The following OXCT1 variants were observed in gnomAD, a reference collection of about 807,000 sequenced individuals.
OXCT1 encodes the protein 3-oxoacid CoA-transferase 1.
In OXCT1, 27 loss-of-function variants were observed where a neutral mutation model predicts 69.6. The ratio of observed to expected loss-of-function variants is 0.39; its 90% CI spans 0.29 to 0.54. The LOEUF (loss-of-function observed/expected upper bound fraction) is 0.54, where lower values mean the gene tolerates loss of function less well. Among genes scored for constraint, OXCT1 ranks in the 20% least tolerant of loss-of-function variants. The probability of loss-of-function intolerance (pLI) is 0.72; values close to 1 mark genes in which losing one functional copy is unlikely to be tolerated. For missense variants in OXCT1, 437 were observed against 650.2 expected, an observed-to-expected ratio of 0.67 and a Z score of 3.57; for synonymous variants, 202 against 217.8, an observed-to-expected ratio of 0.93 and a Z score of 0.64.
At chr5:41,772,794 T>A (rs947740518) in intron 13 of OXCT1, among the ~76,000 whole-genome samples, 4 of 152,170 alleles carry the variant, frequency 2.6e-5, no homozygotes, top group African/African-American at 9.7e-5. Flanking sequence ...GTGCTTTTCA[T>A]ATGTGGAGGC....
intron 3 of OXCT1, among the ~76,000 whole-genome samples, chr5:41,860,920 C>A (rs1357453927): frequency 6.6e-6 from 1 of 151,852 alleles, no homozygotes; most frequent in Non-Finnish European, 1.5e-5. Context: ...AAACAGATTT[C>A]AAATTGATGC....
At chr5:41,798,864 T>C (rs1746297587) in intron 11 of OXCT1, among the ~76,000 whole-genome samples, 1 of 152,104 alleles carries the variant, frequency 6.6e-6, no homozygotes, top group Non-Finnish European at 1.5e-5. Flanking sequence ...TATAACTCAG[T>C]GTATAGAGAA....
chr5:41,847,587 C>G (rs1259254882), intron 5 of OXCT1, among the ~76,000 whole-genome samples: 5 of 151,532 alleles, frequency 3.3e-5, no homozygotes, highest in Non-Finnish European at 3.0e-5. Flanking sequence ...CCACCATGAT[C>G]AAGTGGGCTT....
At chr5:41,829,051 T>C (rs1208160599) in intron 7 of OXCT1, among the ~76,000 whole-genome samples, 1 of 152,098 alleles carries the variant, frequency 6.6e-6, no homozygotes, top group African/African-American at 2.4e-5. Flanking sequence ...TGAATCAGCC[T>C]CTCTTTAATA....
At chr5:41,841,810 C>A (rs1482478077) in intron 6 of OXCT1, among the ~76,000 whole-genome samples, 1 of 146,642 alleles carries the variant, frequency 6.8e-6, no homozygotes, top group Non-Finnish European at 1.5e-5. Flanking sequence ...CTTTAAAAAA[C>A]TGGCTAAATT....
rs1360810647 is a variant in OXCT1 at position 41,730,403 on chromosome 5, A to G, written c.*1326T>C. 1 of 152,222 alleles carries G rather than the reference A, an allele frequency of 6.6e-6. No individual in the cohort carries two copies. The highest frequency in any genetic ancestry group is 1.9e-4 in the East Asian group (1 of 5,194). 9.4% of individuals were successfully genotyped at this position (152,222 alleles called of 1,614,324 possible). A position where few individuals can be genotyped will look rare whatever the true frequency, so the allele number is the denominator to read the frequency against. On this transcript the variant is annotated 3_prime_UTR_variant, in exon 17 of 17. Transcript: ENST00000196371. ...TTTCTCTAATATTGTACATTACACA[A>G]TTGTAGCTACACCTGAAAAGAAGTG...
intron 11 of OXCT1, among the ~76,000 whole-genome samples, chr5:41,799,345 G>T (rs1348674360): frequency 1.3e-5 from 2 of 152,062 alleles, no homozygotes; most frequent in Admixed American, 6.5e-5. Flanking sequence ...ATCCCAAAAA[G>T]GACTTTGAAA....
intron 8 of OXCT1, among the ~76,000 whole-genome samples, chr5:41,807,095 C>G (rs1301572237): frequency 6.6e-6 from 1 of 152,042 alleles, no homozygotes; most frequent in Non-Finnish European, 1.5e-5. Flanking sequence ...GTAGACACAG[C>G]CTAGAGAATC....
At chr5:41,773,746 C>T (rs1015241719) in intron 13 of OXCT1, among the ~76,000 whole-genome samples, 1 of 152,082 alleles carries the variant, frequency 6.6e-6, no homozygotes, top group African/African-American at 2.4e-5. Flanking sequence ...TAACTCATTT[C>T]TTGATAGGCC....
rs1334372573 is a variant in OXCT1, at chr5:41,803,048, GA to G, written c.1050+20del. The G allele has an allele frequency of 6.5e-7, 1 of 1,542,788 alleles. No homozygotes were observed. Among genetic ancestry groups the G allele is most frequent in the African/African-American group, 1.4e-5 (1 of 73,350 alleles). On this transcript the variant is annotated intron_variant, in intron 10 of 16. Transcript: ENST00000196371. ...CATTCTTCATTAAGACTGGATTTTA[GA>G]AAACAAATTTTCATCTTACCAAACC...
chr5:41,800,711 G>T (rs928566066), intron 11 of OXCT1, among the ~76,000 whole-genome samples: 1 of 151,896 alleles, frequency 6.6e-6, no homozygotes. Flanking sequence ...TTTTAATCCT[G>T]TCCATGCCCT....
At chr5:41,866,871 G>T (rs950277325) in intron 1 of OXCT1, among the ~76,000 whole-genome samples, 11 of 152,210 alleles carry the variant, frequency 7.2e-5, no homozygotes, top group African/African-American at 2.7e-4. Context: ...ACCAAAGTTT[G>T]CCAGGTGTTA....
chr5:41,860,373 G>A (rs1044866984), intron 3 of OXCT1, among the ~76,000 whole-genome samples: 13 of 151,930 alleles, frequency 8.6e-5, no homozygotes, highest in African/African-American at 2.7e-4. Context: ...AGTCTCTAAA[G>A]GAACTCAAAA....
At chr5:41,768,899 T>C (rs1043321168) in intron 13 of OXCT1, among the ~76,000 whole-genome samples, 10 of 152,156 alleles carry the variant, frequency 6.6e-5, no homozygotes, top group Non-Finnish European at 8.8e-5. Flanking sequence ...TGTAATAACC[T>C]GGACCCTCCC....
rs182767661 is a variant in OXCT1, at chr5:41,870,418, G to C, written c.-60C>G. ...GGAGCGCGCGTTTGAGCGTCGGTGC[G>C]CGACTGCGAAGGAAACCCGGGCGGG... On this transcript the variant is annotated 5_prime_UTR_variant, in exon 1 of 17. Transcript: ENST00000196371. This position sits in a 1 kb window ranked among gnomAD's most constrained non-coding sequence, Gnocchi z 4.2. 1,557 of 1,333,238 alleles carry C rather than the reference G, an allele frequency of 1.2e-3. 28 individuals are homozygous for C. In the Admixed American group the frequency reaches 0.026, roughly 22 times the overall value. 82.6% of individuals were successfully genotyped at this position (1,333,238 alleles called of 1,614,324 possible).
At chr5:41,757,961 T>C (rs893926478) in intron 14 of OXCT1, among the ~76,000 whole-genome samples, 17 of 152,254 alleles carry the variant, frequency 1.1e-4, no homozygotes, top group Middle Eastern at 6.8e-3. Flanking sequence ...CATCTAGCTT[T>C]AGTTTTAGAC....
At chr5:41,869,656 T>C (rs1026426191) in intron 1 of OXCT1, among the ~76,000 whole-genome samples, 1 of 152,142 alleles carries the variant, frequency 6.6e-6, no homozygotes, top group Non-Finnish European at 1.5e-5. Context: ...TCGGATGGTT[T>C]CCCAGCTTGG....
chr5:41,829,466 T>C (rs1386590983), intron 7 of OXCT1, among the ~76,000 whole-genome samples: 1 of 152,124 alleles, frequency 6.6e-6, no homozygotes, highest in Non-Finnish European at 1.5e-5. Context: ...GATAATGGCA[T>C]ACAAATGACT....
At position 41,869,256 on chromosome 5, in the gene OXCT1, G is replaced by A. The variant is rs16871981; in HGVS notation, c.78+1025C>T. Among the ~76,000 whole-genome samples the A allele has an allele frequency of 6.3e-3, 955 of 152,294 alleles. 54 individuals are homozygous for A. The East Asian group carries it at 0.13, about 21-fold the overall frequency. ...GGGATTGGATGCAGGAAAGAGCAAT[G>A]GGGCCAGGCAGGCACGCTTCAGGAG... On this transcript the variant is annotated intron_variant, in intron 1 of 16. Transcript: ENST00000196371.
Sources: gnomAD v4.1 joint callset for allele counts (sites outside exome capture counted in the v4.1 genomes callset) on GRCh38, gnomAD v4.1.1 for gene constraint, Gnocchi (gnomAD v3.1) non-coding constraint, MANE v1.5 for transcripts, NCBI Gene and HGNC (gene_info 2026-07-23, HGNC 2026-07-21) for gene names.